CCDC138: variants seen among roughly 807,000 people sequenced by gnomAD.
The protein encoded by CCDC138 is coiled-coil domain-containing protein 138.
In CCDC138, 66 loss-of-function variants were observed where a neutral mutation model predicts 82.3. The ratio of observed to expected loss-of-function variants is 0.80; its 90% CI spans 0.66 to 0.98. The LOEUF is 0.98. Among genes scored for constraint, CCDC138 ranks in the 50% least tolerant of loss-of-function variants. The pLI is 0.00. For synonymous variants in CCDC138, 297 were observed against 265.4 expected (o/e 1.12, Z -1.16); for missense variants, 816 against 758.9 (o/e 1.08, Z -0.88).
chr2:108,812,166 G>A (rs1406708333), intron 7 of CCDC138, among the ~76,000 whole-genome samples: 2 of 152,078 alleles, frequency 1.3e-5, no homozygotes, highest in African/African-American at 4.8e-5. Flanking sequence ...TGGATAGGAA[G>A]ACTCAATATT....
intron 7 of CCDC138, among the ~76,000 whole-genome samples, chr2:108,809,697 C>T (rs992091576): frequency 7.9e-5 from 12 of 151,978 alleles, no homozygotes; most frequent in African/African-American, 2.7e-4. Flanking sequence ...TCAACTTTAC[C>T]AAATTTATCA....
intron 5 of CCDC138, among the ~76,000 whole-genome samples, chr2:108,797,688 T>C (rs1470126878): frequency 6.6e-6 from 1 of 152,172 alleles, no homozygotes; most frequent in African/African-American, 2.4e-5. Context: ...GAAGCATGTA[T>C]ATATGTATTT....
chr2:108,824,381 G>T (rs190565153), intron 10 of CCDC138, among the ~76,000 whole-genome samples: 1 of 150,206 alleles, frequency 6.7e-6, no homozygotes, highest in Non-Finnish European at 1.5e-5. Flanking sequence ...TTACTTTCTC[G>T]ACTATTCTGT....
chr2:108,810,525 G>A (rs1054919780), intron 7 of CCDC138, among the ~76,000 whole-genome samples: 1 of 152,014 alleles, frequency 6.6e-6, no homozygotes, highest in African/African-American at 2.4e-5. Flanking sequence ...CTTGGTTATG[G>A]TATATTATCT....
chr2:108,862,633 A>G (rs950902991), intron 13 of CCDC138, among the ~76,000 whole-genome samples: 1 of 152,248 alleles, frequency 6.6e-6, no homozygotes, highest in African/African-American at 2.4e-5. Flanking sequence ...ATGTTTACAT[A>G]CTACATGATA....
At chr2:108,810,464 A>AT (rs1370412908) in intron 7 of CCDC138, among the ~76,000 whole-genome samples, 1 of 152,120 alleles carries the variant, frequency 6.6e-6, no homozygotes, top group African/African-American at 2.4e-5. Context: ...TGATTATCAC[A>AT]TTTTTTTATT....
chr2:108,806,496 T>A (rs1400988941), intron 7 of CCDC138, among the ~76,000 whole-genome samples: 1 of 152,180 alleles, frequency 6.6e-6, no homozygotes, highest in Non-Finnish European at 1.5e-5. Context: ...TGTGTTAAGA[T>A]TAGATCAGAG....
chr2:108,853,842 T>TATATATATACTATATATATA (rs953997761), intron 12 of CCDC138, among the ~76,000 whole-genome samples: 48 of 133,172 alleles, frequency 3.6e-4, no homozygotes, highest in African/African-American at 1.3e-3. Context: ...CTATATGCAA[T>TATATATATACTATATATATA]ATATATATAC....
chr2:108,812,149 A>G (rs558303088), intron 7 of CCDC138, among the ~76,000 whole-genome samples: 1 of 152,276 alleles, frequency 6.6e-6, no homozygotes, highest in East Asian at 1.9e-4. Flanking sequence ...AATTGAAGAT[A>G]TGTTCATGGA....
intron 7 of CCDC138, among the ~76,000 whole-genome samples, chr2:108,808,131 ATGT>A (rs1262787235): frequency 2.0e-5 from 3 of 152,170 alleles, no homozygotes; most frequent in African/African-American, 7.2e-5. Context: ...AGGTTCATCC[ATGT>A]TGCTGCAAAT....
At position 108,786,892 on chromosome 2, in the gene CCDC138, C is replaced by T; in HGVS notation, c.70C>T (p.Leu24Phe). The T allele has an allele frequency of 6.4e-7, 1 of 1,557,966 alleles. No individual in the cohort carries two copies. The highest frequency in any genetic ancestry group is 8.7e-7 in the Non-Finnish European group (1 of 1,155,254). The change falls in exon 1 of 15, where the codon CTC (leucine) becomes TTC (phenylalanine). Residue 24 changes from leucine to phenylalanine, a missense_variant. Physicochemically the swap from Leu to Phe is conservative, Grantham distance 22. Transcript: ENST00000295124. ...VVESLKSRYG[L>F]GGSCPDEYDF... Reference sequence around the variant, plus strand: ...GGAGAGTCTCAAAAGCCGCTACGGACTCGGGGGCAGCTGCCCCGACGAGGT... The same window carrying T: ...GGAGAGTCTCAAAAGCCGCTACGGATTCGGGGGCAGCTGCCCCGACGAGGT...
At chr2:108,824,534 A>T (rs755182895) in intron 10 of CCDC138, among the ~76,000 whole-genome samples, 1 of 152,196 alleles carries the variant, frequency 6.6e-6, no homozygotes, top group South Asian at 2.1e-4. Context: ...AGCTCCTATG[A>T]TAACAATGCC....
chr2:108,849,665 A>G (rs958248577), intron 12 of CCDC138, among the ~76,000 whole-genome samples: 2 of 152,168 alleles, frequency 1.3e-5, no homozygotes, highest in Admixed American at 6.5e-5. Flanking sequence ...TGGCCTCAAA[A>G]AAGAAAAAGA....
At chr2:108,829,141 CTG>C (rs1180824449) in intron 10 of CCDC138, among the ~76,000 whole-genome samples, 1 of 152,048 alleles carries the variant, frequency 6.6e-6, no homozygotes, top group Non-Finnish European at 1.5e-5. Context: ...CAAAAATAAA[CTG>C]AACTTCATCA....
chr2:108,855,685 A>G (rs756649659), intron 12 of CCDC138, among the ~76,000 whole-genome samples: 11 of 152,222 alleles, frequency 7.2e-5, no homozygotes, highest in South Asian at 4.1e-4. Flanking sequence ...CCAGAGGCAC[A>G]GATCTTACTT....
intron 13 of CCDC138, among the ~76,000 whole-genome samples, chr2:108,863,498 G>A (rs1693938085): frequency 6.6e-6 from 1 of 152,190 alleles, no homozygotes; most frequent in Admixed American, 6.5e-5. Context: ...GAAGAACCAG[G>A]AAACAAGCTG....
chr2:108,842,202 G>GTT (rs11330697), intron 11 of CCDC138, among the ~76,000 whole-genome samples: 2 of 142,204 alleles, frequency 1.4e-5, no homozygotes, highest in Non-Finnish European at 3.1e-5. Flanking sequence ...TAATTAAAAA[G>GTT]TTTTTTTTTT....
At chr2:108,786,764 T>C (rs1480032502), upstream of CCDC138, 7 of 1,470,910 alleles carry the variant, frequency 4.8e-6, no homozygotes, top group Admixed American at 2.0e-5. Flanking sequence ...TGCGGCCGCG[T>C]AGCGCCGCGG....
intron 12 of CCDC138, among the ~76,000 whole-genome samples, chr2:108,854,629 C>A (rs1209181856): frequency 6.6e-6 from 1 of 152,144 alleles, no homozygotes; most frequent in African/African-American, 2.4e-5. Flanking sequence ...CTTAGCTCAA[C>A]CACCATTTTA....
Sources: gnomAD v4.1 joint callset for allele counts (sites outside exome capture counted in the v4.1 genomes callset) on GRCh38, gnomAD v4.1.1 for gene constraint, MANE v1.5 for transcripts, NCBI Gene and HGNC (gene_info 2026-07-23, HGNC 2026-07-21) for gene names.